MAP2K6: variants seen among roughly 807,000 people sequenced by gnomAD.
MAP2K6 encodes the protein dual specificity mitogen-activated protein kinase kinase 6.
MAP2K6 carries 16 observed loss-of-function variants against 53.7 expected under a neutral mutation model. The ratio of observed to expected loss-of-function variants is 0.30; its 90% CI spans 0.20 to 0.45. MAP2K6 has a LOEUF of 0.45. MAP2K6 is among the 20% of genes least tolerant of loss of function. MAP2K6 has a pLI of 1.00. For synonymous variants in MAP2K6, 132 were observed against 143.1 expected, an observed-to-expected ratio of 0.92 and a Z score of 0.55; for missense variants, 204 against 411.9, an observed-to-expected ratio of 0.50 and a Z score of 4.37.
At chr17:69,489,654 T>C (rs902379086) in intron 1 of MAP2K6, among the ~76,000 whole-genome samples, 10 of 152,254 alleles carry the variant, frequency 6.6e-5, no homozygotes, top group African/African-American at 2.4e-4. Context: ...CTAGTTAATA[T>C]TGAAATGAGT....
rs1480186113 is a variant in MAP2K6, at chr17:69,542,913, GA to G, written c.*1163del. 6.6e-6 allele frequency: 1 copy of G among 152,176 alleles called. No homozygotes were observed. Among genetic ancestry groups the G allele is most frequent in the Admixed American group, 6.5e-5 (1 of 15,272 alleles). 9.4% of individuals were successfully genotyped at this position (152,176 alleles called of 1,614,324 possible). ...GTGAGTAATTCTTTGATAAGATGAG[GA>G]AATAATGGGAAAGGTTGAATTAATT... is the stretch of plus-strand genomic sequence containing the variant. On this transcript the variant is annotated 3_prime_UTR_variant, in exon 12 of 12. Coordinates refer to ENST00000590474, the MANE Select transcript of MAP2K6 (RefSeq NM_002758.4).
chr17:69,435,902 G>A (rs1344980656), intron 1 of MAP2K6, among the ~76,000 whole-genome samples: 5 of 151,950 alleles, frequency 3.3e-5, no homozygotes, highest in South Asian at 2.1e-4. Flanking sequence ...TTTTGACTTC[G>A]GGTGATCTGC....
At chr17:69,468,210 C>T (rs886907095) in intron 1 of MAP2K6, among the ~76,000 whole-genome samples, 1 of 152,216 alleles carries the variant, frequency 6.6e-6, no homozygotes, top group Non-Finnish European at 1.5e-5. Flanking sequence ...TAGTGTAATT[C>T]AGAGTTCCTT....
At chr17:69,500,476 G>T (rs534057242) in intron 1 of MAP2K6, among the ~76,000 whole-genome samples, 4 of 99,498 alleles carry the variant, frequency 4.0e-5, no homozygotes, top group South Asian at 3.3e-4. Flanking sequence ...AAAAAAAAAG[G>T]CCGGCCATGG....
intron 1 of MAP2K6, among the ~76,000 whole-genome samples, chr17:69,499,267 T>A (rs1203027281): frequency 1.3e-5 from 2 of 152,220 alleles, no homozygotes; most frequent in African/African-American, 4.8e-5. Context: ...CCAGGGAACA[T>A]TCTGCTTAAC....
At chr17:69,417,746 G>A (rs1905950757) in intron 1 of MAP2K6, among the ~76,000 whole-genome samples, 1 of 152,140 alleles carries the variant, frequency 6.6e-6, no homozygotes, top group Admixed American at 6.5e-5. Flanking sequence ...ACACTACCCG[G>A]GAGAGAAAAA....
chr17:69,490,886 T>TAG (rs1908718170), intron 1 of MAP2K6, among the ~76,000 whole-genome samples: 1 of 152,084 alleles, frequency 6.6e-6, no homozygotes, highest in South Asian at 2.1e-4. Context: ...CACCCTCTGA[T>TAG]AGGCCCCAGT....
At chr17:69,502,712 T>C in intron 1 of MAP2K6, 1 of 985,180 alleles carries the variant, frequency 1.0e-6, no homozygotes, top group South Asian at 4.7e-5. Flanking sequence ...TGTGGGGGGC[T>C]GTGGGGGTGG....
At chr17:69,427,257 CATTTT>C (rs1906302895) in intron 1 of MAP2K6, among the ~76,000 whole-genome samples, 1 of 152,142 alleles carries the variant, frequency 6.6e-6, no homozygotes, top group African/African-American at 2.4e-5. Flanking sequence ...TTTGAATTCT[CATTTT>C]ATTTACCTCA....
At chr17:69,528,693 T>A (rs1910912979) in intron 10 of MAP2K6, among the ~76,000 whole-genome samples, 1 of 151,790 alleles carries the variant, frequency 6.6e-6, no homozygotes, top group Non-Finnish European at 1.5e-5. Context: ...AACCCATCTC[T>A]GCTAAAAATA....
At chr17:69,479,357 G>A (rs546624214) in intron 1 of MAP2K6, among the ~76,000 whole-genome samples, 3 of 152,030 alleles carry the variant, frequency 2.0e-5, no homozygotes, top group African/African-American at 7.2e-5. Context: ...TGCCACACTC[G>A]GGTACTTAAC....
intron 1 of MAP2K6, among the ~76,000 whole-genome samples, chr17:69,482,747 T>C (rs1206952838): frequency 6.6e-6 from 1 of 152,068 alleles, no homozygotes; most frequent in Non-Finnish European, 1.5e-5. Context: ...TGTACATACA[T>C]CATTTTGCAT....
At chr17:69,458,555 C>T (rs1419857319) in intron 1 of MAP2K6, among the ~76,000 whole-genome samples, 4 of 152,194 alleles carry the variant, frequency 2.6e-5, no homozygotes, top group Non-Finnish European at 5.9e-5. Flanking sequence ...AAGATGCTCA[C>T]CTTCAAAATT....
intron 1 of MAP2K6, among the ~76,000 whole-genome samples, chr17:69,487,475 C>G (rs1261572287): frequency 6.6e-6 from 1 of 152,164 alleles, no homozygotes; most frequent in African/African-American, 2.4e-5. Context: ...TAAGAAGGTA[C>G]CTGCCAGAAA....
At chr17:69,415,634 T>C (rs1436330817) in intron 1 of MAP2K6, among the ~76,000 whole-genome samples, 1 of 152,224 alleles carries the variant, frequency 6.6e-6, no homozygotes, top group Non-Finnish European at 1.5e-5. Flanking sequence ...CAATTGCTTA[T>C]TGGCTCGCAA....
chr17:69,469,473 T>G (rs1907915672), intron 1 of MAP2K6, among the ~76,000 whole-genome samples: 1 of 151,974 alleles, frequency 6.6e-6, no homozygotes, highest in East Asian at 1.9e-4. Flanking sequence ...GAGAAAAGTA[T>G]CTATAGGGGT....
rs773205914 is a variant in MAP2K6, at chr17:69,546,678, A to G, written c.*4925A>G. 11 of 152,138 alleles carry G rather than the reference A, an allele frequency of 7.2e-5. No homozygotes were observed. The highest frequency in any genetic ancestry group is 1.3e-4 in the Non-Finnish European group (9 of 68,034). 9.4% of individuals were successfully genotyped at this position (152,138 alleles called of 1,614,324 possible). A position where few individuals can be genotyped will look rare whatever the true frequency, so the allele number is the denominator to read the frequency against. ...TAAGATTTATATATTTACAAAATTT[A>G]TTGGAGCTGGTAGTCAGATCTAGTA... is the stretch of plus-strand genomic sequence containing the variant. On this transcript the variant is annotated 3_prime_UTR_variant, in exon 12 of 12. Coordinates refer to ENST00000590474, the MANE Select transcript of MAP2K6 (RefSeq NM_002758.4).
chr17:69,460,626 A>G (rs1406391549), intron 1 of MAP2K6, among the ~76,000 whole-genome samples: 3 of 152,140 alleles, frequency 2.0e-5, no homozygotes, highest in African/African-American at 7.2e-5. Context: ...TGTTGTTGGG[A>G]TAGGGTCCCA....
intron 1 of MAP2K6, among the ~76,000 whole-genome samples, chr17:69,469,785 A>G (rs1907927855): frequency 6.6e-6 from 1 of 152,152 alleles, no homozygotes; most frequent in Non-Finnish European, 1.5e-5. Context: ...ATAAGTAAAT[A>G]AAGAGAAAAG....
Sources: gnomAD v4.1 joint callset for allele counts (sites outside exome capture counted in the v4.1 genomes callset) on GRCh38, gnomAD v4.1.1 for gene constraint, MANE v1.5 for transcripts, NCBI Gene and HGNC (gene_info 2026-07-23, HGNC 2026-07-21) for gene names.